Variants in NALF1 observed in about 807,000 individuals in gnomAD.
NALF1 encodes family with sequence similarity 155 member A.
NALF1 carries 3 observed loss-of-function variants against 48.4 expected under a neutral mutation model. The ratio of observed to expected loss-of-function variants is 0.06; its 90% CI spans 0.03 to 0.16. NALF1 has a LOEUF of 0.16. Ranked by LOEUF, NALF1 falls within the 10% of genes least tolerant of loss-of-function variation. The probability of loss-of-function intolerance (pLI) is 1.00; values close to 1 mark genes in which losing one functional copy is unlikely to be tolerated. For synonymous variants in NALF1, 262 were observed against 245.7 expected (o/e 1.07, Z -0.62); for missense variants, 526 against 571.5 (o/e 0.92, Z 0.81).
chr13:107,802,673 T>A (rs73587705), intron 1 of NALF1, among the ~76,000 whole-genome samples: 4,194 of 152,218 alleles, frequency 0.028, 214 homozygotes, highest in African/African-American at 0.097. Context: ...TGTTTTTTTA[T>A]ATATCAGTGT....
intron 1 of NALF1, among the ~76,000 whole-genome samples, chr13:107,354,026 G>A (rs9555351): frequency 0.26 from 39,035 of 152,050 alleles, 5,661 homozygotes; most frequent in African/African-American, 0.39. Flanking sequence ...CTGAAAATAT[G>A]AATACTGCTC....
intron 1 of NALF1, among the ~76,000 whole-genome samples, chr13:107,488,119 C>T (rs1403233319): frequency 1.3e-5 from 2 of 150,824 alleles, no homozygotes; most frequent in Non-Finnish European, 3.0e-5. Flanking sequence ...TGTAATATCC[C>T]CCTTATCATT....
At chr13:107,729,641 T>A in intron 1 of NALF1, among the ~76,000 whole-genome samples, 1 of 152,206 alleles carries the variant, frequency 6.6e-6, no homozygotes, top group African/African-American at 2.4e-5. Flanking sequence ...CACGCCCAGC[T>A]AATTTTTTTG....
chr13:107,308,444 C>T (rs1419231021), intron 1 of NALF1, among the ~76,000 whole-genome samples: 3 of 151,972 alleles, frequency 2.0e-5, no homozygotes, highest in Admixed American at 1.3e-4. Flanking sequence ...CCTCGTGATC[C>T]GCCCGCCTCG....
At chr13:107,407,320 T>G (rs1883915972) in intron 1 of NALF1, among the ~76,000 whole-genome samples, 1 of 151,802 alleles carries the variant, frequency 6.6e-6, no homozygotes, top group Non-Finnish European at 1.5e-5. Context: ...GAAGAGACAA[T>G]CCACAGAATG....
At position 107,502,377 on chromosome 13, in the gene NALF1, T is replaced by A. The variant is rs567041174; in HGVS notation, c.916-291622A>T. Among the ~76,000 whole-genome samples, 4 of 152,330 alleles carry A rather than the reference T, an allele frequency of 2.6e-5. No homozygotes were observed. In the East Asian group the frequency reaches 7.7e-4, roughly 29 times the overall value. On this transcript the variant is annotated intron_variant, in intron 1 of 2. Transcript: ENST00000375915. The stretch of plus-strand genomic sequence containing the variant: ...GCTCTGAGTTAAATTCCTTGGTAGA[T>A]TTTTATTATGTAAAGACATCATATT...
intron 1 of NALF1, among the ~76,000 whole-genome samples, chr13:107,459,659 C>G (rs79010146): frequency 6.6e-6 from 1 of 152,164 alleles, no homozygotes; most frequent in Non-Finnish European, 1.5e-5. Flanking sequence ...GCAGAGCTTA[C>G]GTCTCCTGGA....
chr13:107,694,834 C>A (rs1405715801), intron 1 of NALF1, among the ~76,000 whole-genome samples: 1 of 151,530 alleles, frequency 6.6e-6, no homozygotes, highest in Non-Finnish European at 1.5e-5. Flanking sequence ...GCTGTGTTGC[C>A]CAGGCTAGAA....
At chr13:107,847,410 C>G (rs1006730692) in intron 1 of NALF1, among the ~76,000 whole-genome samples, 1 of 152,130 alleles carries the variant, frequency 6.6e-6, no homozygotes, top group Non-Finnish European at 1.5e-5. Context: ...AAATTCATGG[C>G]CTTGTGTCAT....
intron 1 of NALF1, among the ~76,000 whole-genome samples, chr13:107,428,401 T>C (rs971184858): frequency 6.6e-6 from 1 of 152,200 alleles, no homozygotes; most frequent in African/African-American, 2.4e-5. Flanking sequence ...TGCTGCCTTC[T>C]GTATGGGAAA....
chr13:107,358,896 T>C (rs1445183782), intron 1 of NALF1, among the ~76,000 whole-genome samples: 1 of 152,164 alleles, frequency 6.6e-6, no homozygotes, highest in African/African-American at 2.4e-5. Context: ...TTTATGAACA[T>C]TTCAACCACA....
At chr13:107,711,239 C>T (rs1219812971) in intron 1 of NALF1, among the ~76,000 whole-genome samples, 1 of 152,160 alleles carries the variant, frequency 6.6e-6, no homozygotes, top group Admixed American at 6.5e-5. Context: ...CAAAAGAGTG[C>T]CCTTTTTCCA....
At chr13:107,721,720 C>T (rs568915671) in intron 1 of NALF1, among the ~76,000 whole-genome samples, 2 of 152,246 alleles carry the variant, frequency 1.3e-5, no homozygotes, top group South Asian at 4.1e-4. Flanking sequence ...GGAGATCCCC[C>T]ATTTGCATTT....
chr13:107,567,041 T>C (rs1877831692), intron 1 of NALF1, among the ~76,000 whole-genome samples: 2 of 152,330 alleles, frequency 1.3e-5, no homozygotes, highest in South Asian at 2.1e-4. Flanking sequence ...ATAACAAATA[T>C]TAAAGACAAA....
intron 1 of NALF1, among the ~76,000 whole-genome samples, chr13:107,301,684 A>G (rs986048268): frequency 3.9e-5 from 6 of 152,184 alleles, no homozygotes; most frequent in Admixed American, 1.3e-4. Flanking sequence ...TTATTTTATA[A>G]CTTTTTTTCT....
At chr13:107,783,887 A>AG (rs1267489612) in intron 1 of NALF1, among the ~76,000 whole-genome samples, 1 of 151,842 alleles carries the variant, frequency 6.6e-6, no homozygotes, top group African/African-American at 2.4e-5. Flanking sequence ...AAAAAAAAAA[A>AG]AAAGAAAATC....
intron 1 of NALF1, among the ~76,000 whole-genome samples, chr13:107,231,167 T>G (rs1167318548): frequency 6.6e-6 from 1 of 151,950 alleles, no homozygotes; most frequent in Non-Finnish European, 1.5e-5. Flanking sequence ...AAGTAGAATT[T>G]GCTTTGAAAT....
intron 1 of NALF1, among the ~76,000 whole-genome samples, chr13:107,629,139 A>G (rs1000252802): frequency 1.3e-5 from 2 of 152,198 alleles, no homozygotes; most frequent in Non-Finnish European, 2.9e-5. Flanking sequence ...ATTTCTGGAC[A>G]TATAATTGAA....
chr13:107,831,912 AC>A lies in NALF1; in HGVS notation c.915+33769del, dbSNP rs139228051. On this transcript the variant is annotated intron_variant, in intron 1 of 2. Coordinates refer to ENST00000375915, the MANE Select transcript of NALF1 (RefSeq NM_001080396.3). ...TTCAACATTCTTTTAGTTTGTAAAG[AC>A]AGTTAATTTTAAGGAAGATGGGAAT... Among the ~76,000 whole-genome samples the A allele has an allele frequency of 6.2e-3, 951 of 152,310 alleles. 8 individuals carry two copies. The highest frequency in any genetic ancestry group is 0.022 in the African/African-American group (907 of 41,566).
Sources: allele counts gnomAD v4.1 joint callset (sites outside exome capture counted in the v4.1 genomes callset), GRCh38; gene constraint gnomAD v4.1.1; transcripts MANE v1.5; gene names NCBI Gene and HGNC (gene_info 2026-07-23, HGNC 2026-07-21).